PHYKPL: variants seen among roughly 807,000 people sequenced by gnomAD.
PHYKPL encodes the protein 5-phosphonooxy-L-lysine phospho-lyase.
PHYKPL carries 42 observed loss-of-function variants against 51.3 expected under a neutral mutation model. That is an observed-to-expected ratio of 0.82 (90% CI 0.64 to 1.06). The LOEUF (loss-of-function observed/expected upper bound fraction) is 1.06. PHYKPL is among the 50% of genes least tolerant of loss of function. PHYKPL has a pLI of 0.00. For synonymous variants in PHYKPL, 264 were observed against 236.0 expected (o/e 1.12, Z -1.09); for missense variants, 655 against 586.6 (o/e 1.12, Z -1.20).
At chr5:178,210,370 A>G in intron 12 of PHYKPL, 1 of 1,592,672 alleles carries the variant, frequency 6.3e-7, no homozygotes, top group South Asian at 1.1e-5. Context: ...TTGGAGTCAG[A>G]CAGGCCTGGC....
chr5:178,228,605 G>C (rs774893855), intron 3 of PHYKPL: 2 of 702,426 alleles, frequency 2.8e-6, no homozygotes, highest in Non-Finnish European at 5.2e-6. Context: ...AAATGAAGAT[G>C]GTGAATTCCA....
intron 12 of PHYKPL, chr5:178,209,342 G>C: frequency 2.5e-6 from 4 of 1,614,118 alleles, no homozygotes; most frequent in Admixed American, 1.7e-5. Context: ...TGAGATCAAG[G>C]TGGCCCAGCC....
chr5:178,222,968 G>A (rs1248390287), intron 6 of PHYKPL, 34 bp from the exon 7 acceptor site: 3 of 1,609,002 alleles, frequency 1.9e-6, no homozygotes, highest in Non-Finnish European at 1.7e-6. Context: ...ACACGACCAT[G>A]GGGTTGTGCA....
At chr5:178,212,837 G>C (rs528474393) in intron 11 of PHYKPL, 136 bp downstream of exon 11, 1 of 1,242,448 alleles carries the variant, frequency 8.0e-7, no homozygotes, top group South Asian at 1.6e-5. Context: ...ACCCTCTCTT[G>C]CTCCCTGCCC....
chr5:178,231,539 A>G lies in PHYKPL; in HGVS notation c.60-16T>C. On this transcript the variant is annotated splice_polypyrimidine_tract_variant and intron_variant, in intron 1 of 12. Coordinates refer to ENST00000308158, the MANE Select transcript of PHYKPL (RefSeq NM_153373.4). Reference sequence around the variant, plus strand: ...GCAGGAAGAGCTGTGGGGACAGGCAAGGAGTGGACAGCCATGTCTGAAGAC... The same window carrying G: ...GCAGGAAGAGCTGTGGGGACAGGCAGGGAGTGGACAGCCATGTCTGAAGAC... The G allele has an allele frequency of 6.2e-7, 1 of 1,614,094 alleles. No homozygotes were observed. The highest frequency in any genetic ancestry group is 8.5e-7 in the Non-Finnish European group (1 of 1,179,960).
chr5:178,212,220 AAC>A lies in PHYKPL; in HGVS notation c.1304-252_1304-251del, dbSNP rs1372756834. On this transcript the variant is annotated intron_variant, in intron 11 of 12. Coordinates refer to ENST00000308158, the MANE Select transcript of PHYKPL (RefSeq NM_153373.4). ...CTGTGGCCAGCCTTTGCTCTCCACA[AAC>A]ACACTCCTATTCATCATATCCCTAC... 4.6e-5 allele frequency among the ~76,000 whole-genome samples: 7 copies of A among 152,354 alleles called. No individual in the cohort carries two copies. The East Asian group carries it at 5.8e-4, about 13-fold the overall frequency.
At chr5:178,231,779 C>T (rs1484657228) in intron 1 of PHYKPL, 2 of 1,451,932 alleles carry the variant, frequency 1.4e-6, no homozygotes, top group Admixed American at 2.1e-5. Context: ...GGCCTCCTTG[C>T]TCATTTCTGC....
intron 6 of PHYKPL, 79 bp from the exon 7 acceptor site, chr5:178,223,013 T>G: frequency 7.2e-7 from 1 of 1,393,990 alleles, no homozygotes; most frequent in Non-Finnish European, 1.0e-6. Context: ...AGTGCTGGCT[T>G]AGTCCAAGCA....
At chr5:178,210,140 C>G (rs1561671021) in intron 12 of PHYKPL, 2 of 1,614,114 alleles carry the variant, frequency 1.2e-6, no homozygotes, top group Admixed American at 1.7e-5. Context: ...AGGTCAGAGT[C>G]AGAGTTGGAA....
chr5:178,228,285 T>C, intron 3 of PHYKPL: 1 of 516,150 alleles, frequency 1.9e-6, no homozygotes, highest in Non-Finnish European at 3.5e-6. Context: ...AAGGAGTGGC[T>C]AGAGAAGCTG....
Position 178,224,657 on chromosome 5 carries a change from C to T in PHYKPL, c.486G>A (p.Lys162=). 1 of 1,614,230 alleles carries T rather than the reference C, an allele frequency of 6.2e-7. No homozygotes were observed. The highest frequency in any genetic ancestry group is 2.2e-5 in the East Asian group (1 of 44,882). ...PYKFRNLDGQ[K]EWVHVAPLPD... ...CAGTGCATACCACGTGGACCCACTC[C>T]TTCTGGCCATCCAGGTTGCGGAACT... is the stretch of plus-strand genomic sequence containing the variant. The change falls in exon 5 of 13, where the codon AAG becomes AAA. Residue 162 remains lysine, a synonymous_variant. Coordinates refer to ENST00000308158, the MANE Select transcript of PHYKPL (RefSeq NM_153373.4).
intron 8 of PHYKPL, 152 bp downstream of exon 8, chr5:178,222,203 C>G: frequency 1.6e-6 from 1 of 619,430 alleles, no homozygotes; most frequent in South Asian, 2.8e-5. Context: ...GTTTTCTTAC[C>G]TGACCTGGCT....
intron 12 of PHYKPL, chr5:178,210,803 T>C (rs1409261065): frequency 1.3e-5 from 8 of 621,348 alleles, no homozygotes; most frequent in African/African-American, 5.5e-5. Flanking sequence ...TCTAGGTGTT[T>C]AGGCAGCGTG....
At chr5:178,207,618 G>C (rs981939632), downstream of PHYKPL, among the ~76,000 whole-genome samples, 1 of 148,498 alleles carries the variant, frequency 6.7e-6, no homozygotes, top group African/African-American at 2.5e-5. Flanking sequence ...CTGTGGTGAA[G>C]TTTTTCTTAT....
At chr5:178,209,413 G>C (rs752608778) in intron 12 of PHYKPL, 3 of 1,613,960 alleles carry the variant, frequency 1.9e-6, no homozygotes, top group Non-Finnish European at 2.5e-6. Flanking sequence ...GCAACCGAGG[G>C]AACCGAGGCA....
At chr5:178,230,265 G>T in intron 2 of PHYKPL, 166 bp from the exon 3 acceptor site, 2 of 778,152 alleles carry the variant, frequency 2.6e-6, no homozygotes, top group Non-Finnish European at 4.0e-6. Flanking sequence ...GCTGGTTCTG[G>T]AAAGGCAGAT....
chr5:178,231,393 T>C lies in PHYKPL; in HGVS notation c.178+12A>G. On this transcript the variant is annotated intron_variant, in intron 2 of 12. Transcript: ENST00000308158. ...CCTCTCCTGCCCTGCCAGCCTGAGG[T>C]GTGATACTGACCGTGCGCCACATTG... The C allele has an allele frequency of 6.2e-7, 1 of 1,614,116 alleles. No individual in the cohort carries two copies. The highest frequency in any genetic ancestry group is 8.5e-7 in the Non-Finnish European group (1 of 1,180,004).
intron 2 of PHYKPL, 108 bp downstream of exon 2, chr5:178,231,297 A>G (rs908663069): frequency 2.0e-5 from 31 of 1,564,764 alleles, no homozygotes; most frequent in East Asian, 1.1e-4. Context: ...CAGTGCCTCA[A>G]CTCCACCCAG....
intron 11 of PHYKPL, 137 bp from the exon 12 acceptor site, chr5:178,212,107 A>T: frequency 1.2e-6 from 1 of 838,858 alleles, no homozygotes; most frequent in Non-Finnish European, 1.9e-6. Context: ...CCATTCCCCA[A>T]AGGGGTGGCA....
Sources: gnomAD v4.1 joint callset for allele counts (sites outside exome capture counted in the v4.1 genomes callset) on GRCh38, gnomAD v4.1.1 for gene constraint, MANE v1.5 for transcripts, NCBI Gene and HGNC (gene_info 2026-07-23, HGNC 2026-07-21) for gene names.